The following CDK14 variants were observed in gnomAD, a reference collection of about 807,000 sequenced individuals.
The protein encoded by CDK14 is cyclin-dependent kinase 14.
Under a neutral mutation model 60.7 loss-of-function variants are expected in CDK14, and 34 were observed. That is an observed-to-expected ratio of 0.56 (90% confidence interval 0.43 to 0.75). The LOEUF is 0.75. Ranked by LOEUF, CDK14 falls within the 30% of genes least tolerant of loss-of-function variation. The probability of loss-of-function intolerance (pLI) is 0.00; values close to 1 mark genes in which losing one functional copy is unlikely to be tolerated. For missense variants in CDK14, 482 were observed against 564.1 expected, an observed-to-expected ratio of 0.85 and a Z score of 1.47; for synonymous variants, 197 against 203.7, an observed-to-expected ratio of 0.97 and a Z score of 0.28.
intron 2 of CDK14, among the ~76,000 whole-genome samples, chr7:90,607,653 G>A (rs1799446217): frequency 6.6e-6 from 1 of 152,192 alleles, no homozygotes; most frequent in African/African-American, 2.4e-5. Context: ...GTTTGTGTGT[G>A]TGTTTAATTG....
intron 14 of CDK14, among the ~76,000 whole-genome samples, chr7:91,154,702 T>C (rs1198939835): frequency 2.0e-5 from 3 of 152,182 alleles, no homozygotes; most frequent in African/African-American, 7.2e-5. Context: ...GATAATTCAT[T>C]TGAAGCAATT....
chr7:90,833,285 G>T (rs1220752769), intron 5 of CDK14, among the ~76,000 whole-genome samples: 3 of 152,086 alleles, frequency 2.0e-5, no homozygotes, highest in African/African-American at 7.2e-5. Context: ...CCATGTAAAG[G>T]CTCTATGATG....
intron 14 of CDK14, among the ~76,000 whole-genome samples, chr7:91,180,194 G>T (rs191143874): frequency 1.7e-3 from 258 of 152,306 alleles, no homozygotes; most frequent in African/African-American, 5.9e-3. Flanking sequence ...CCCACCTTGA[G>T]TAAGCATGAT....
chr7:91,202,060 T>A (rs1012930761), intron 14 of CDK14, among the ~76,000 whole-genome samples: 5 of 152,122 alleles, frequency 3.3e-5, no homozygotes, highest in African/African-American at 1.2e-4. Flanking sequence ...CCAGGCAGAC[T>A]CTCTCCCACA....
chr7:90,864,830 A>T (rs1378494432), intron 6 of CDK14, among the ~76,000 whole-genome samples: 5 of 152,110 alleles, frequency 3.3e-5, no homozygotes, highest in Admixed American at 2.6e-4. Flanking sequence ...GTGTGAGTAA[A>T]ATTTTCCCTA....
At chr7:90,736,344 GTTTTTGTTTTTTTTTT>G (rs1183979651) in intron 3 of CDK14, among the ~76,000 whole-genome samples, 14 of 41,026 alleles carry the variant, frequency 3.4e-4, no homozygotes, top group African/African-American at 1.1e-3. Context: ...ACTTTATTAT[GTTTTTGTTTTTTTTTT>G]TTTTTTTTTT....
At chr7:90,790,957 A>G (rs939266343) in intron 5 of CDK14, among the ~76,000 whole-genome samples, 1 of 152,186 alleles carries the variant, frequency 6.6e-6, no homozygotes, top group South Asian at 2.1e-4. Context: ...TTAGATACAT[A>G]TTAGTTTAAC....
chr7:90,960,685 A>G (rs1794578392), intron 9 of CDK14, among the ~76,000 whole-genome samples: 1 of 152,158 alleles, frequency 6.6e-6, no homozygotes, highest in South Asian at 2.1e-4. Context: ...TAATCACCAT[A>G]CATATTGGCA....
chr7:90,760,031 C>T (rs540416729), intron 4 of CDK14, among the ~76,000 whole-genome samples: 2 of 152,308 alleles, frequency 1.3e-5, no homozygotes, highest in East Asian at 3.9e-4. Context: ...CTTTATGTGA[C>T]ATGAGATTTA....
chr7:91,100,935 ACT>A (rs1031836279), intron 12 of CDK14, among the ~76,000 whole-genome samples: 14 of 152,134 alleles, frequency 9.2e-5, no homozygotes, highest in Non-Finnish European at 1.3e-4. Flanking sequence ...GGTAGAGTTG[ACT>A]GCAAGGGCAG....
At chr7:90,699,672 C>A (rs1407774714) in intron 2 of CDK14, among the ~76,000 whole-genome samples, 1 of 152,168 alleles carries the variant, frequency 6.6e-6, no homozygotes, top group Non-Finnish European at 1.5e-5. Context: ...AGTTAAATAA[C>A]CTTGGTGGGT....
At chr7:90,884,012 C>T (rs566686742) in intron 6 of CDK14, among the ~76,000 whole-genome samples, 1 of 152,296 alleles carries the variant, frequency 6.6e-6, no homozygotes, top group East Asian at 1.9e-4. Flanking sequence ...GAAGCATTCC[C>T]TTTGAAAATT....
intron 2 of CDK14, among the ~76,000 whole-genome samples, chr7:90,661,433 T>G (rs963365840): frequency 6.6e-6 from 1 of 152,172 alleles, no homozygotes; most frequent in Non-Finnish European, 1.5e-5. Flanking sequence ...GAATTGTTTG[T>G]TAGTTATGTT....
At chr7:90,905,954 C>G (rs1270176820) in intron 7 of CDK14, among the ~76,000 whole-genome samples, 4 of 152,142 alleles carry the variant, frequency 2.6e-5, no homozygotes, top group Non-Finnish European at 4.4e-5. Flanking sequence ...GGCCACTCAT[C>G]TAATTATGCA....
chr7:91,092,896 T>C (rs1023748108), intron 12 of CDK14, among the ~76,000 whole-genome samples: 2 of 152,212 alleles, frequency 1.3e-5, no homozygotes, highest in African/African-American at 4.8e-5. Context: ...AGAATATCCG[T>C]TGAAAGAAAT....
rs539426429 is a variant in CDK14 at position 90,644,648 on chromosome 7, C to A, written c.123+40399C>A. 8.5e-5 allele frequency among the ~76,000 whole-genome samples: 13 copies of A among 152,292 alleles called. No individual in the cohort carries two copies. In the South Asian group the frequency reaches 2.1e-3, roughly 24 times the overall value. Reference sequence around the variant, plus strand: ...ATTCAAGACTCTGTGAAATCCTACACGGAAGAAACCTGTTTAACTTTACTT... The same window carrying A: ...ATTCAAGACTCTGTGAAATCCTACAAGGAAGAAACCTGTTTAACTTTACTT... On this transcript the variant is annotated intron_variant, in intron 2 of 14. Coordinates refer to ENST00000380050, the MANE Select transcript of CDK14 (RefSeq NM_001287135.2).
intron 2 of CDK14, among the ~76,000 whole-genome samples, chr7:90,625,037 C>T (rs987399434): frequency 1.3e-5 from 2 of 152,116 alleles, no homozygotes; most frequent in Non-Finnish European, 1.5e-5. Flanking sequence ...CTTAAAACGG[C>T]GAATGGCTCA....
chr7:90,658,369 A>T (rs899614042), intron 2 of CDK14, among the ~76,000 whole-genome samples: 4 of 152,212 alleles, frequency 2.6e-5, no homozygotes, highest in African/African-American at 9.6e-5. Context: ...CTGTATACTC[A>T]GATGGTAGAA....
intron 11 of CDK14, among the ~76,000 whole-genome samples, chr7:91,055,540 TA>T (rs1797522229): frequency 6.6e-6 from 1 of 152,234 alleles, no homozygotes; most frequent in Non-Finnish European, 1.5e-5. Flanking sequence ...GACTTATTTT[TA>T]AAAATCCCAA....
Sources: gnomAD v4.1 joint callset for allele counts (sites outside exome capture counted in the v4.1 genomes callset) on GRCh38, gnomAD v4.1.1 for gene constraint, MANE v1.5 for transcripts, NCBI Gene and HGNC (gene_info 2026-07-23, HGNC 2026-07-21) for gene names.